ATP2B4: variants seen among roughly 807,000 people sequenced by gnomAD.
ATP2B4 encodes the protein plasma membrane calcium-transporting ATPase 4.
In ATP2B4, 39 loss-of-function variants were observed where a neutral mutation model predicts 110.3. The observed-to-expected ratio is 0.35, with a 90% CI of 0.27 to 0.46. ATP2B4 has a LOEUF of 0.46. Ranked by LOEUF, ATP2B4 falls within the 20% of genes least tolerant of loss-of-function variation. ATP2B4 has a pLI of 1.00. For synonymous variants in ATP2B4, 538 were observed against 571.7 expected (o/e 0.94, Z 0.84); for missense variants, 1,135 against 1,530.9 (o/e 0.74, Z 4.32).
intron 1 of ATP2B4, among the ~76,000 whole-genome samples, chr1:203,670,204 G>A (rs1369628782): frequency 1.2e-4 from 16 of 138,322 alleles, no homozygotes; most frequent in Admixed American, 5.8e-4. Context: ...TTTTAATTGA[G>A]TCTCACTGTG....
chr1:203,696,534 A>C (rs754406067), intron 2 of ATP2B4, among the ~76,000 whole-genome samples: 12 of 152,156 alleles, frequency 7.9e-5, no homozygotes, highest in Admixed American at 2.0e-4. Flanking sequence ...ACCGGCAACC[A>C]ACAGCTTCCA....
At chr1:203,692,027 G>T (rs1303199969) in intron 2 of ATP2B4, among the ~76,000 whole-genome samples, 1 of 147,918 alleles carries the variant, frequency 6.8e-6, no homozygotes. Flanking sequence ...GACTACAGGC[G>T]CCCGCCACCA....
intron 1 of ATP2B4, among the ~76,000 whole-genome samples, chr1:203,648,140 C>A (rs1343555286): frequency 6.6e-6 from 1 of 152,154 alleles, no homozygotes; most frequent in Admixed American, 6.5e-5. Context: ...GAGAGGCTGG[C>A]TCCTGCTGGT....
At chr1:203,704,467 C>CTTTTTTTTTTTTTTTTTT (rs35019828) in intron 8 of ATP2B4, among the ~76,000 whole-genome samples, 1 of 68,802 alleles carries the variant, frequency 1.5e-5, no homozygotes, top group African/African-American at 6.9e-5. Context: ...AAGGAACAGT[C>CTTTTTTTTTTTTTTTTTT]TTTTTTTTTT....
At chr1:203,653,518 A>G (rs1338786292) in intron 1 of ATP2B4, among the ~76,000 whole-genome samples, 1 of 152,226 alleles carries the variant, frequency 6.6e-6, no homozygotes, top group South Asian at 2.1e-4. Flanking sequence ...GGAGAAGTCA[A>G]TGCCTGGCTT....
At chr1:203,735,002 C>CAAAAAAAAAA (rs35552196) in intron 20 of ATP2B4, among the ~76,000 whole-genome samples, 4 of 57,124 alleles carry the variant, frequency 7.0e-5, no homozygotes, top group Admixed American at 5.5e-4. Flanking sequence ...GACTCCATCT[C>CAAAAAAAAAA]AAAAAAAAAA....
chr1:203,701,906 C>T (rs1318758730), intron 6 of ATP2B4, 138 bp from the exon 7 acceptor site: 1 of 790,406 alleles, frequency 1.3e-6, no homozygotes, highest in Non-Finnish European at 2.0e-6. Context: ...ATGTGAGCTT[C>T]CTTTACATTT....
chr1:203,707,688 C>T (rs1277354674), intron 9 of ATP2B4, among the ~76,000 whole-genome samples, 174 bp from the exon 10 acceptor site: 1 of 152,152 alleles, frequency 6.6e-6, no homozygotes, highest in East Asian at 1.9e-4. Context: ...GTCTCAGCCT[C>T]CCGAAGTACT....
At chr1:203,684,864 GT>G (rs972241780) in intron 2 of ATP2B4, among the ~76,000 whole-genome samples, 1 of 151,530 alleles carries the variant, frequency 6.6e-6, no homozygotes, top group Non-Finnish European at 1.5e-5. Flanking sequence ...TGTTTTTTTG[GT>G]TTTTTTGTTT....
At chr1:203,650,027 A>G (rs968113956) in intron 1 of ATP2B4, among the ~76,000 whole-genome samples, 4 of 152,196 alleles carry the variant, frequency 2.6e-5, no homozygotes, top group African/African-American at 9.7e-5. Flanking sequence ...GAAGCATCTC[A>G]GATTTACCCC....
rs761802997 is a variant in ATP2B4, at chr1:203,710,826, A to G, written c.1800-51A>G. On this transcript the variant is annotated intron_variant, in intron 11 of 20. Transcript: ENST00000357681. Reference sequence around the variant, plus strand: ...AAAATACCTGTCAATGATTGTAGAAACGTATTGAGTGGGAAGGGAGACACC... The same window carrying G: ...AAAATACCTGTCAATGATTGTAGAAGCGTATTGAGTGGGAAGGGAGACACC... 5 of 1,383,112 alleles carry G rather than the reference A, an allele frequency of 3.6e-6. No homozygotes were observed. In the African/African-American group the frequency reaches 5.7e-5, roughly 16 times the overall value. 85.7% of individuals were successfully genotyped at this position (1,383,112 alleles called of 1,614,324 possible).
intron 7 of ATP2B4, among the ~76,000 whole-genome samples, chr1:203,703,165 GA>G (rs1665745351): frequency 2.6e-5 from 1 of 38,056 alleles, no homozygotes; most frequent in African/African-American, 2.4e-4. Flanking sequence ...CCTGACAATC[GA>G]GAGAGAGAGA....
intron 2 of ATP2B4, among the ~76,000 whole-genome samples, chr1:203,695,370 A>G (rs1265610701): frequency 6.6e-6 from 1 of 152,172 alleles, no homozygotes; most frequent in African/African-American, 2.4e-5. Context: ...CCTGCCCAGA[A>G]CACTCCTTTC....
chr1:203,688,283 A>G (rs984624448), intron 2 of ATP2B4, among the ~76,000 whole-genome samples: 15 of 146,234 alleles, frequency 1.0e-4, no homozygotes, highest in Admixed American at 4.1e-4. Flanking sequence ...CACTGACCCA[A>G]TGTTTTTTTG....
intron 2 of ATP2B4, among the ~76,000 whole-genome samples, chr1:203,696,776 T>G (rs1376048734): frequency 6.6e-6 from 1 of 152,164 alleles, no homozygotes; most frequent in Non-Finnish European, 1.5e-5. Context: ...GTTCTGTGTG[T>G]GTGTGTGTCA....
chr1:203,697,764 G>A (rs1665575615), intron 2 of ATP2B4, among the ~76,000 whole-genome samples: 1 of 152,048 alleles, frequency 6.6e-6, no homozygotes, highest in African/African-American at 2.4e-5. Flanking sequence ...GCAATGACGT[G>A]ATCACTGCTG....
chr1:203,711,167 A>T, intron 12 of ATP2B4, 59 bp downstream of exon 12: 1 of 1,531,270 alleles, frequency 6.5e-7, no homozygotes, highest in East Asian at 2.3e-5. Context: ...TTCCCTTTCT[A>T]GTTGTGACCC....
chr1:203,710,829 T>C, intron 11 of ATP2B4, 48 bp from the exon 12 acceptor site: 1 of 1,397,766 alleles, frequency 7.2e-7, no homozygotes, highest in East Asian at 2.4e-5. Flanking sequence ...TGTAGAAACG[T>C]ATTGAGTGGG....
rs1667004067 is a variant in ATP2B4, at chr1:203,741,892, T to G, written c.*2038T>G. ...AACTATTTTAGAAGATTTAATTCTA[T>G]CAAATCTTGTATTACCTCAGATCAT... is the stretch of plus-strand genomic sequence containing the variant. On this transcript the variant is annotated 3_prime_UTR_variant, in exon 21 of 21. Transcript: ENST00000357681. 6.5e-6 allele frequency: 1 copy of G among 152,680 alleles called. No homozygotes were observed. The highest frequency in any genetic ancestry group is 1.5e-5 in the Non-Finnish European group (1 of 68,048). The allele number at this position is 152,680 out of a possible 1,614,324, so 9.5% of individuals were successfully genotyped here. A position where few individuals can be genotyped will look rare whatever the true frequency, so the allele number is the denominator to read the frequency against.
Sources: gnomAD v4.1 joint callset for allele counts (sites outside exome capture counted in the v4.1 genomes callset) on GRCh38, gnomAD v4.1.1 for gene constraint, MANE v1.5 for transcripts, NCBI Gene and HGNC (gene_info 2026-07-23, HGNC 2026-07-21) for gene names.